NUP160: variants seen among roughly 807,000 people sequenced by gnomAD.
NUP160 encodes the protein nuclear pore complex protein Nup160.
A neutral mutation model predicts 196.9 loss-of-function variants in NUP160; 94 were observed. The ratio of observed to expected loss-of-function variants is 0.48; its 90% CI spans 0.40 to 0.57. The LOEUF is 0.57. Among genes scored for constraint, NUP160 ranks in the 20% least tolerant of loss-of-function variants. The probability of loss-of-function intolerance (pLI) is 0.00; values close to 1 mark genes in which losing one functional copy is unlikely to be tolerated. For missense variants in NUP160, 1,638 were observed against 1,748.3 expected (o/e 0.94, Z 1.13); for synonymous variants, 605 against 619.7 (o/e 0.98, Z 0.35).
intron 33 of NUP160, among the ~76,000 whole-genome samples, chr11:47,784,052 AC>A (rs1565185532): frequency 3.6e-4 from 55 of 152,074 alleles, no homozygotes; most frequent in Middle Eastern, 3.4e-3. Flanking sequence ...ACAAAACAAA[AC>A]AAAAAAAACC....
exon 26 of NUP160, chr11:47,798,057 C>G (rs147712305): frequency 6.3e-7 from 1 of 1,578,238 alleles, no homozygotes; most frequent in Non-Finnish European, 8.6e-7. Context: ...CACCAACTGC[C>G]GTAAACAATC....
At chr11:47,780,502 G>C in intron 34 of NUP160, 55 bp from the exon 35 acceptor site, 2 of 1,211,584 alleles carry the variant, frequency 1.7e-6, no homozygotes, top group South Asian at 1.2e-5. Context: ...ATTTCTTCTG[G>C]GTAGTTGCTT....
chr11:47,780,597 C>T (rs2097660157), intron 34 of NUP160, 150 bp from the exon 35 acceptor site: 1 of 485,320 alleles, frequency 2.1e-6, no homozygotes, highest in Non-Finnish European at 3.7e-6. Flanking sequence ...AGTGCAGTGG[C>T]ACAATCTCAG....
rs778226340 is a variant in NUP160 at position 47,847,926 on chromosome 11, T to C, written c.236A>G (p.Tyr79Cys). 5.6e-6 allele frequency: 9 copies of C among 1,614,152 alleles called. 1 individual carries two copies. The East Asian group carries it at 1.6e-4, about 28-fold the overall frequency. ...GTAAAAGCCTCCCGCGCTTTCACTGTATTTTACGGCGCCAGCCACGGCATT... is the reference window on the plus strand; with the variant it reads ...GTAAAAGCCTCCCGCGCTTTCACTGCATTTTACGGCGCCAGCCACGGCATT... The change falls in exon 2 of 36, where the codon TAC becomes TGC. Residue 79 changes from tyrosine to cysteine, a missense_variant. This residue lies in a region of NUP160 where 287 missense variants were observed against 259.5 expected (regional missense o/e 1.11). Coordinates refer to ENST00000378460, the Ensembl canonical transcript of NUP160.
rs549790415 is a variant in NUP160, at chr11:47,801,499, G to A, written c.2895+312C>T. On this transcript the variant is annotated intron_variant, in intron 23 of 35. Transcript: ENST00000378460. ...CAAGTAGGTGGGATTACAGGCACCC[G>A]CCACCACGCCAGGCTAATTTTTGTA... 6.6e-5 allele frequency among the ~76,000 whole-genome samples: 10 copies of A among 152,088 alleles called. No homozygotes were observed. In the East Asian group the frequency reaches 1.2e-3, roughly 18 times the overall value.
chr11:47,832,902 A>T (rs1233578266), intron 7 of NUP160, among the ~76,000 whole-genome samples: 3 of 152,250 alleles, frequency 2.0e-5, no homozygotes, highest in African/African-American at 7.2e-5. Context: ...AAAACCACTT[A>T]TATGATTCCA....
chr11:47,836,723 A>G (rs1208626332), intron 6 of NUP160, among the ~76,000 whole-genome samples, 164 bp downstream of exon 6: 1 of 152,218 alleles, frequency 6.6e-6, no homozygotes, highest in Non-Finnish European at 1.5e-5. Context: ...TAGGAGGAAA[A>G]TATATGCAAA....
rs188098726 is a variant in NUP160, at chr11:47,781,218, G to A, written c.4117-771C>T. Reference sequence around the variant, plus strand: ...AGCCTGGGCGACAGAGCGAGACTCCGTCTTGGAAAAAATAAAAAAATAAAA... The same window carrying A: ...AGCCTGGGCGACAGAGCGAGACTCCATCTTGGAAAAAATAAAAAAATAAAA... On this transcript the variant is annotated intron_variant, in intron 34 of 35. Coordinates refer to ENST00000378460, the Ensembl canonical transcript of NUP160. 1.9e-3 allele frequency among the ~76,000 whole-genome samples: 291 copies of A among 151,784 alleles called. 1 individual carries two copies. Among genetic ancestry groups the A allele is most frequent in the Admixed American group, 0.012 (180 of 15,252 alleles).
At chr11:47,841,500 G>T in intron 2 of NUP160, 1 of 401,476 alleles carries the variant, frequency 2.5e-6, no homozygotes, top group Non-Finnish European at 4.9e-6. Flanking sequence ...CTCTAGATTG[G>T]GTCATGCTCA....
At chr11:47,799,994 C>G (rs2097673202) in intron 23 of NUP160, among the ~76,000 whole-genome samples, 1 of 152,108 alleles carries the variant, frequency 6.6e-6, no homozygotes, top group African/African-American at 2.4e-5. Flanking sequence ...TGGCTCATGC[C>G]TATAATCCCA....
At chr11:47,845,963 T>C (rs1195029488) in intron 2 of NUP160, among the ~76,000 whole-genome samples, 1 of 152,032 alleles carries the variant, frequency 6.6e-6, no homozygotes, top group Non-Finnish European at 1.5e-5. Context: ...CAAAACCCCA[T>C]CTCTACAAAA....
At chr11:47,835,904 G>T in intron 6 of NUP160, 95 bp from the exon 7 acceptor site, 1 of 992,308 alleles carries the variant, frequency 1.0e-6, no homozygotes, top group Non-Finnish European at 1.5e-6. Flanking sequence ...TGTATCTACT[G>T]CTCTATCTAG....
At chr11:47,809,106 AG>A (rs2097679487) in intron 17 of NUP160, among the ~76,000 whole-genome samples, 1 of 151,770 alleles carries the variant, frequency 6.6e-6, no homozygotes, top group Admixed American at 6.6e-5. Context: ...GTCTTAAAAA[AG>A]AAAAAAAAAA....
Position 47,797,961 on chromosome 11 carries a change from T to C in NUP160, c.3183+17A>G. The C allele has an allele frequency of 6.4e-7, 1 of 1,555,086 alleles. No homozygotes were observed. The highest frequency in any genetic ancestry group is 8.8e-7 in the Non-Finnish European group (1 of 1,131,742). On this transcript the variant is annotated intron_variant, in intron 26 of 35. Coordinates refer to ENST00000378460, the Ensembl canonical transcript of NUP160. ...CACCATACTTGTTGAAAGCCATCAC[T>C]GGATAAGTAAAATTACCTCATTATG...
chr11:47,828,872 C>T (rs1004115067), intron 7 of NUP160, among the ~76,000 whole-genome samples: 1 of 151,856 alleles, frequency 6.6e-6, no homozygotes, highest in African/African-American at 2.4e-5. Context: ...GCTGAGAAAA[C>T]TGAATATCTA....
intron 7 of NUP160, chr11:47,827,247 C>T (rs776310163): frequency 4.8e-6 from 2 of 419,340 alleles, no homozygotes; most frequent in South Asian, 3.4e-5. Context: ...ACCTGTGGTC[C>T]CAGCTACCTG....
chr11:47,783,558 C>T (rs1230930843), intron 33 of NUP160, among the ~76,000 whole-genome samples: 1 of 152,092 alleles, frequency 6.6e-6, no homozygotes, highest in Non-Finnish European at 1.5e-5. Flanking sequence ...ACAATATATT[C>T]ACATAATAAG....
At chr11:47,796,586 A>G (rs1022999808) in intron 27 of NUP160, among the ~76,000 whole-genome samples, 9 of 152,132 alleles carry the variant, frequency 5.9e-5, no homozygotes, top group Non-Finnish European at 1.2e-4. Context: ...ACAGTTGGGG[A>G]ATTTGGATGA....
intron 33 of NUP160, among the ~76,000 whole-genome samples, chr11:47,783,865 T>A (rs1342192635): frequency 2.6e-5 from 4 of 152,104 alleles, no homozygotes; most frequent in Non-Finnish European, 5.9e-5. Flanking sequence ...AGATAATTTT[T>A]GTATTTTTAG....
Sources: gnomAD v4.1 joint callset for allele counts (sites outside exome capture counted in the v4.1 genomes callset) on GRCh38, gnomAD v4.1.1 for gene constraint, gnomAD v4.1.1 regional missense constraint, MANE v1.5 for transcripts, NCBI Gene and HGNC (gene_info 2026-07-23, HGNC 2026-07-21) for gene names.